The following SUPT3H variants were observed in gnomAD, a reference collection of about 807,000 sequenced individuals.
SUPT3H encodes transcription initiation protein SPT3 homolog.
In SUPT3H, 44 loss-of-function variants were observed where a neutral mutation model predicts 44.3. The ratio of observed to expected loss-of-function variants is 0.99; its 90% CI spans 0.78 to 1.28. The LOEUF (loss-of-function observed/expected upper bound fraction) is 1.28. Ranked by LOEUF, SUPT3H falls within the 50% of genes most tolerant of loss-of-function variation. SUPT3H has a pLI of 0.00. For missense variants in SUPT3H, 380 were observed against 387.1 expected, an observed-to-expected ratio of 0.98 and a Z score of 0.15; for synonymous variants, 124 against 125.6, an observed-to-expected ratio of 0.99 and a Z score of 0.09.
At chr6:44,869,183 G>C (rs951878673) in intron 10 of SUPT3H, among the ~76,000 whole-genome samples, 42 of 152,232 alleles carry the variant, frequency 2.8e-4, no homozygotes, top group African/African-American at 8.9e-4. Flanking sequence ...TCTTAACACT[G>C]AGTATAGGCT....
intron 11 of SUPT3H, among the ~76,000 whole-genome samples, chr6:44,818,920 T>C (rs1031056329): frequency 6.6e-6 from 1 of 152,228 alleles, no homozygotes; most frequent in Non-Finnish European, 1.5e-5. Context: ...GGTAGTTTTT[T>C]ATAAAAATAA....
chr6:44,917,925 C>T (rs997412910), intron 10 of SUPT3H, among the ~76,000 whole-genome samples: 6 of 149,774 alleles, frequency 4.0e-5, no homozygotes, highest in African/African-American at 1.0e-4. Flanking sequence ...AAATTTCTAT[C>T]GGTAATGCCA....
At chr6:44,849,220 CTTTT>C (rs143665414) in intron 10 of SUPT3H, among the ~76,000 whole-genome samples, 55 of 96,636 alleles carry the variant, frequency 5.7e-4, no homozygotes, top group South Asian at 1.7e-3. Context: ...CAAATGAATA[CTTTT>C]TTTTTTTTTT....
At chr6:45,164,418 T>C (rs1053862932) in intron 2 of SUPT3H, among the ~76,000 whole-genome samples, 1 of 152,216 alleles carries the variant, frequency 6.6e-6, no homozygotes, top group South Asian at 2.1e-4. Context: ...TCAGTCATCA[T>C]GGTGACTTTA....
chr6:45,296,214 A>AC (rs768394891), intron 2 of SUPT3H, among the ~76,000 whole-genome samples: 7 of 151,212 alleles, frequency 4.6e-5, no homozygotes, highest in Non-Finnish European at 8.9e-5. Flanking sequence ...ACACACACAC[A>AC]ATGCAACACT....
chr6:45,232,863 A>G (rs1014078642), intron 2 of SUPT3H, among the ~76,000 whole-genome samples: 1 of 152,156 alleles, frequency 6.6e-6, no homozygotes, highest in African/African-American at 2.4e-5. Context: ...ACAGCCCTGG[A>G]AAGCTAACCC....
At chr6:45,135,007 T>C (rs1804052562) in intron 2 of SUPT3H, among the ~76,000 whole-genome samples, 1 of 152,206 alleles carries the variant, frequency 6.6e-6, no homozygotes, top group African/African-American at 2.4e-5. Context: ...TCTTGCATTC[T>C]GTGCACCTGC....
At chr6:45,225,510 C>T (rs192320036) in intron 2 of SUPT3H, among the ~76,000 whole-genome samples, 1 of 152,196 alleles carries the variant, frequency 6.6e-6, no homozygotes, top group African/African-American at 2.4e-5. Flanking sequence ...TAAATCTATA[C>T]AAAATTTCTT....
At chr6:45,047,559 C>T (rs1192343874) in intron 3 of SUPT3H, among the ~76,000 whole-genome samples, 1 of 152,074 alleles carries the variant, frequency 6.6e-6, no homozygotes, top group East Asian at 1.9e-4. Flanking sequence ...TTAAGGGTAG[C>T]AGCTATAGAA....
chr6:45,296,478 C>A (rs1464190070), intron 2 of SUPT3H, among the ~76,000 whole-genome samples: 1 of 151,994 alleles, frequency 6.6e-6, no homozygotes, highest in Admixed American at 6.5e-5. Flanking sequence ...ATGACTCATG[C>A]CTGTAATCCC....
chr6:45,197,355 A>G (rs1413832365), intron 2 of SUPT3H, among the ~76,000 whole-genome samples: 1 of 151,510 alleles, frequency 6.6e-6, no homozygotes, highest in African/African-American at 2.4e-5. Flanking sequence ...CTAATAACTT[A>G]AATGATTTGA....
chr6:44,856,620 C>T (rs1276557671), intron 10 of SUPT3H, among the ~76,000 whole-genome samples: 1 of 152,124 alleles, frequency 6.6e-6, no homozygotes, highest in Non-Finnish European at 1.5e-5. Flanking sequence ...TTCAGTTTCA[C>T]TATATTTCAA....
chr6:45,115,510 C>T (rs1732528873), intron 2 of SUPT3H, among the ~76,000 whole-genome samples: 1 of 152,028 alleles, frequency 6.6e-6, no homozygotes, highest in South Asian at 2.1e-4. Flanking sequence ...TGATTTTAAA[C>T]GTATTTACTG....
chr6:45,274,628 C>T (rs894553276), intron 2 of SUPT3H, among the ~76,000 whole-genome samples: 1 of 152,186 alleles, frequency 6.6e-6, no homozygotes, highest in African/African-American at 2.4e-5. Flanking sequence ...TGCCTGTAAT[C>T]GCAGCACTCT....
intron 3 of SUPT3H, among the ~76,000 whole-genome samples, chr6:45,043,659 A>C (rs1481129282): frequency 2.0e-5 from 3 of 152,336 alleles, no homozygotes; most frequent in Middle Eastern, 3.4e-3. Context: ...GCTTGCCTTC[A>C]AGGAGCTTAT....
intron 6 of SUPT3H, among the ~76,000 whole-genome samples, chr6:44,971,180 A>C (rs1312832759): frequency 6.6e-6 from 1 of 152,162 alleles, no homozygotes; most frequent in Non-Finnish European, 1.5e-5. Flanking sequence ...GTCATCAGTT[A>C]ATTCCCTCTA....
intron 2 of SUPT3H, among the ~76,000 whole-genome samples, chr6:45,108,587 C>G (rs1357476320): frequency 6.6e-6 from 1 of 151,558 alleles, no homozygotes; most frequent in Non-Finnish European, 1.5e-5. Flanking sequence ...AAAAGAAAAC[C>G]TACATAATCA....
Position 44,943,007 on chromosome 6 carries a change from C to T in SUPT3H, c.802-10244G>A, listed in dbSNP as rs189188970. Among the ~76,000 whole-genome samples the T allele has an allele frequency of 7.2e-5, 11 of 152,234 alleles. No homozygotes were observed. The East Asian group carries it at 1.9e-3, about 27-fold the overall frequency. On this transcript the variant is annotated intron_variant, in intron 9 of 10. Coordinates refer to ENST00000371459, the MANE Select transcript of SUPT3H (RefSeq NM_003599.4). ...ATGTCCACTTTACAATTCAAAATTA[C>T]CAGACATGCAAAACACAAGAAAGCA...
intron 2 of SUPT3H, among the ~76,000 whole-genome samples, chr6:45,201,576 T>C (rs1423453334): frequency 6.6e-6 from 1 of 151,876 alleles, no homozygotes; most frequent in Non-Finnish European, 1.5e-5. Flanking sequence ...TTTCATAACA[T>C]GCATAATCAT....
Sources: gnomAD v4.1 joint callset for allele counts (sites outside exome capture counted in the v4.1 genomes callset) on GRCh38, gnomAD v4.1.1 for gene constraint, MANE v1.5 for transcripts, NCBI Gene and HGNC (gene_info 2026-07-23, HGNC 2026-07-21) for gene names.